The following STPG2 variants were observed in gnomAD, a reference collection of about 807,000 sequenced individuals.
STPG2 encodes the protein sperm-tail PG-rich repeat-containing protein 2.
A neutral mutation model predicts 54.2 loss-of-function variants in STPG2; 56 were observed. The ratio of observed to expected loss-of-function variants is 1.03; its 90% CI spans 0.83 to 1.29. The LOEUF (loss-of-function observed/expected upper bound fraction) is 1.29, where lower values mean the gene tolerates loss of function less well. Among genes scored for constraint, STPG2 ranks in the 50% most tolerant of loss-of-function variants. The pLI, the probability that STPG2 is intolerant of heterozygous loss-of-function variation, is 0.00. For synonymous variants in STPG2, 200 were observed against 181.8 expected (o/e 1.10, Z -0.81); for missense variants, 596 against 544.9 (o/e 1.09, Z -0.93).
chr4:98,019,280 T>C (rs1369326098), intron 5 of STPG2, among the ~76,000 whole-genome samples: 1 of 152,204 alleles, frequency 6.6e-6, no homozygotes, highest in Non-Finnish European at 1.5e-5. Context: ...GGGAATCCCT[T>C]TCCCATTGCT....
At chr4:97,792,268 A>G (rs1342078553) in intron 9 of STPG2, among the ~76,000 whole-genome samples, 2 of 152,174 alleles carry the variant, frequency 1.3e-5, no homozygotes, top group African/African-American at 4.8e-5. Flanking sequence ...GCTCCTGATA[A>G]TCCCTCAAAA....
intron 3 of STPG2, among the ~76,000 whole-genome samples, chr4:98,113,838 T>C (rs1044589347): frequency 6.6e-6 from 1 of 151,972 alleles, no homozygotes; most frequent in Non-Finnish European, 1.5e-5. Context: ...ATACACTACT[T>C]TGGAATTCCT....
intron 5 of STPG2, among the ~76,000 whole-genome samples, chr4:98,076,766 C>T (rs979808308): frequency 6.6e-6 from 1 of 152,010 alleles, no homozygotes; most frequent in African/African-American, 2.4e-5. Context: ...ATTCTTATTC[C>T]AAATTACAAC....
Position 97,708,484 on chromosome 4 carries a change from G to A in STPG2, c.1320+4215C>T, listed in dbSNP as rs189020448. 4.3e-3 allele frequency among the ~76,000 whole-genome samples: 659 copies of A among 151,894 alleles called. 1 individual carries two copies. Among genetic ancestry groups the A allele is most frequent in the Middle Eastern group, 0.014 (4 of 294 alleles). On this transcript the variant is annotated intron_variant, in intron 10 of 10. Transcript: ENST00000295268. ...TTCTAGCATGTAATTAGAGGTATTA[G>A]GCTTAAATAGGAAGCAAGCCTTGTT...
intron 10 of STPG2, among the ~76,000 whole-genome samples, chr4:97,700,690 G>A (rs1017488708): frequency 1.3e-5 from 2 of 152,202 alleles, no homozygotes; most frequent in Non-Finnish European, 2.9e-5. Context: ...AGTGGAAAGT[G>A]ATCAGGGTCT....
chr4:97,979,009 A>C (rs1734582849), intron 6 of STPG2, among the ~76,000 whole-genome samples: 1 of 152,210 alleles, frequency 6.6e-6, no homozygotes, highest in African/African-American at 2.4e-5. Context: ...GTGATACAAA[A>C]TAGACAAAGG....
At chr4:97,952,001 C>A (rs775627732) in intron 7 of STPG2, among the ~76,000 whole-genome samples, 3 of 152,088 alleles carry the variant, frequency 2.0e-5, no homozygotes, top group Non-Finnish European at 4.4e-5. Context: ...TGTGTCAGGG[C>A]AGCAGAAAAG....
chr4:97,477,887 C>G (rs942363911), intron 4 of STPG2, among the ~76,000 whole-genome samples: 1 of 152,096 alleles, frequency 6.6e-6, no homozygotes, highest in Non-Finnish European at 1.5e-5. Context: ...CCCTAGTTTA[C>G]ATTAATTCAA....
At chr4:97,837,653 A>G (rs1560547622) in intron 9 of STPG2, among the ~76,000 whole-genome samples, 1 of 151,680 alleles carries the variant, frequency 6.6e-6, no homozygotes, top group Non-Finnish European at 1.5e-5. Flanking sequence ...GGTATACAAT[A>G]TACTGAGTCT....
chr4:97,753,433 T>C (rs377105076), intron 9 of STPG2, among the ~76,000 whole-genome samples: 30 of 152,110 alleles, frequency 2.0e-4, no homozygotes, highest in Admixed American at 5.3e-4. Flanking sequence ...TACAGCTGAA[T>C]TGCATTTCAC....
At chr4:98,069,620 A>G (rs1737941316) in intron 5 of STPG2, among the ~76,000 whole-genome samples, 1 of 152,180 alleles carries the variant, frequency 6.6e-6, no homozygotes, top group Non-Finnish European at 1.5e-5. Context: ...AACTGTTGAG[A>G]GACAATTCTC....
chr4:98,011,646 C>T (rs1400795746), intron 5 of STPG2, among the ~76,000 whole-genome samples: 2 of 152,102 alleles, frequency 1.3e-5, no homozygotes, highest in Admixed American at 6.6e-5. Flanking sequence ...TTTTAATAAT[C>T]ACCATTCTGA....
At chr4:97,637,360 T>C (rs1223454861) in intron 10 of STPG2, among the ~76,000 whole-genome samples, 1 of 152,140 alleles carries the variant, frequency 6.6e-6, no homozygotes, top group South Asian at 2.1e-4. Flanking sequence ...ATAAGAGCTA[T>C]CTATGACAAA....
At chr4:98,039,124 G>A (rs927910932) in intron 5 of STPG2, among the ~76,000 whole-genome samples, 1 of 151,860 alleles carries the variant, frequency 6.6e-6, no homozygotes, top group Non-Finnish European at 1.5e-5. Context: ...TTGCTGACTG[G>A]TTATATACCC....
At position 97,811,688 on chromosome 4, in the gene STPG2, T is replaced by C. The variant is rs181028473; in HGVS notation, c.1204+29085A>G. On this transcript the variant is annotated intron_variant, in intron 9 of 10. Coordinates refer to ENST00000295268, the MANE Select transcript of STPG2 (RefSeq NM_174952.3). ...GGAGAATATGTGGTAATAAAGTATA[T>C]CTGTTAAGTAACTAATTGAAATAGG... Among the ~76,000 whole-genome samples the C allele has an allele frequency of 7.0e-3, 1,072 of 152,238 alleles. 10 individuals carry two copies. Among genetic ancestry groups the C allele is most frequent in the Non-Finnish European group, 8.5e-3 (578 of 67,980 alleles).
intron 4 of STPG2, among the ~76,000 whole-genome samples, chr4:97,532,583 T>C (rs1731438022): frequency 6.6e-6 from 1 of 152,180 alleles, no homozygotes; most frequent in Admixed American, 6.5e-5. Context: ...AAAGATAGCT[T>C]CTTGAAAGAC....
chr4:97,601,807 A>G (rs1397667718), intron 10 of STPG2, among the ~76,000 whole-genome samples: 2 of 151,900 alleles, frequency 1.3e-5, no homozygotes, highest in Non-Finnish European at 2.9e-5. Flanking sequence ...TATAATTGCA[A>G]ATAAATTTTA....
At chr4:97,506,527 T>C (rs1730848417) in intron 4 of STPG2, among the ~76,000 whole-genome samples, 1 of 151,656 alleles carries the variant, frequency 6.6e-6, no homozygotes, top group Non-Finnish European at 1.5e-5. Flanking sequence ...AAAAAAAAAC[T>C]ATCCAAGTTG....
intron 1 of STPG2, among the ~76,000 whole-genome samples, chr4:98,141,123 A>G (rs957239675): frequency 2.0e-5 from 3 of 152,174 alleles, no homozygotes; most frequent in African/African-American, 7.2e-5. Flanking sequence ...CAAACTATAC[A>G]TTCTTATCAG....
Sources: allele counts gnomAD v4.1 joint callset (sites outside exome capture counted in the v4.1 genomes callset), GRCh38; gene constraint gnomAD v4.1.1; transcripts MANE v1.5; gene names NCBI Gene and HGNC (gene_info 2026-07-23, HGNC 2026-07-21).